The following NCOA3 variants were observed in gnomAD, a reference collection of about 807,000 sequenced individuals.
NCOA3 encodes CBP-interacting protein.
A neutral mutation model predicts 158.8 loss-of-function variants in NCOA3; 51 were observed. That is an observed-to-expected ratio of 0.32 (90% CI 0.26 to 0.41). NCOA3 has a LOEUF of 0.41. Ranked by LOEUF, NCOA3 falls within the 10% of genes least tolerant of loss-of-function variation. The probability of loss-of-function intolerance (pLI) is 1.00; values close to 1 mark genes in which losing one functional copy is unlikely to be tolerated. For synonymous variants in NCOA3, 537 were observed against 592.4 expected (o/e 0.91, Z 1.36); for missense variants, 1,510 against 1,746.6 (o/e 0.86, Z 2.41).
intron 1 of NCOA3, among the ~76,000 whole-genome samples, chr20:47,553,967 T>TGG (rs1168684326): frequency 6.6e-6 from 1 of 152,220 alleles, no homozygotes; most frequent in Admixed American, 6.5e-5. Flanking sequence ...CCCTGAGGAA[T>TGG]CGCCACACCG....
At chr20:47,503,274 C>G (rs2083971659) in intron 1 of NCOA3, among the ~76,000 whole-genome samples, 1 of 152,202 alleles carries the variant, frequency 6.6e-6, no homozygotes, top group Non-Finnish European at 1.5e-5. Context: ...GAATAAAAAT[C>G]TTAGGTCTTC....
At chr20:47,617,503 A>T (rs2086158886) in intron 2 of NCOA3, among the ~76,000 whole-genome samples, 1 of 152,176 alleles carries the variant, frequency 6.6e-6, no homozygotes, top group Admixed American at 6.6e-5. Flanking sequence ...AAAGTGATCT[A>T]GATCTATTGT....
intron 3 of NCOA3, 103 bp downstream of exon 3, chr20:47,622,433 G>C (rs1422976041): frequency 1.3e-6 from 1 of 772,512 alleles, no homozygotes; most frequent in Non-Finnish European, 2.0e-6. Flanking sequence ...AGATTTTTTG[G>C]TGGTTTCACT....
chr20:47,509,658 A>G (rs6012196), intron 1 of NCOA3, among the ~76,000 whole-genome samples: 148,547 of 152,200 alleles, frequency 0.98, 72,590 homozygotes, highest in Middle Eastern at 1. Flanking sequence ...CTGTAATCCC[A>G]GCAATTTGGG....
chr20:47,515,307 C>T (rs369739487), intron 1 of NCOA3, among the ~76,000 whole-genome samples: 25 of 151,768 alleles, frequency 1.6e-4, no homozygotes, highest in Middle Eastern at 3.4e-3. Context: ...GGACTACAGG[C>T]GCGCACCACC....
chr20:47,514,210 AT>A (rs575151562), intron 1 of NCOA3, among the ~76,000 whole-genome samples: 156 of 143,778 alleles, frequency 1.1e-3, no homozygotes, highest in African/African-American at 2.3e-3. Flanking sequence ...ATTTTTTTGA[AT>A]TTTTTTTTTA....
chr20:47,520,565 G>A (rs375873767), intron 1 of NCOA3, among the ~76,000 whole-genome samples: 19 of 152,338 alleles, frequency 1.2e-4, no homozygotes, highest in East Asian at 1.2e-3. Flanking sequence ...AACCAGTGGT[G>A]TCTTGTCTTG....
At chr20:47,514,269 G>C (rs1036506891) in intron 1 of NCOA3, among the ~76,000 whole-genome samples, 1 of 150,992 alleles carries the variant, frequency 6.6e-6, no homozygotes, top group African/African-American at 2.4e-5. Context: ...GGCAGAGATG[G>C]ATTTAGGTCC....
chr20:47,612,812 T>G (rs72645225), intron 2 of NCOA3, among the ~76,000 whole-genome samples: 2,581 of 152,324 alleles, frequency 0.017, 28 homozygotes, highest in Non-Finnish European at 0.03. Flanking sequence ...TTGATTTGGA[T>G]ATGGATGGAA....
At chr20:47,561,996 A>G (rs1375219092) in intron 1 of NCOA3, among the ~76,000 whole-genome samples, 1 of 151,734 alleles carries the variant, frequency 6.6e-6, no homozygotes, top group Non-Finnish European at 1.5e-5. Flanking sequence ...TTGACATGTC[A>G]TATAGTTGGA....
intron 1 of NCOA3, among the ~76,000 whole-genome samples, chr20:47,506,342 AAC>A (rs2084031568): frequency 6.6e-6 from 1 of 152,214 alleles, no homozygotes; most frequent in South Asian, 2.1e-4. Context: ...TCAGCCCCCT[AAC>A]AAATTATGGA....
At chr20:47,570,990 G>GTGTGTGTGTA in intron 1 of NCOA3, among the ~76,000 whole-genome samples, 1 of 141,572 alleles carries the variant, frequency 7.1e-6, no homozygotes, top group East Asian at 2.1e-4. Flanking sequence ...ATATATGTGT[G>GTGTGTGTGTA]TGTGTGTGTG....
chr20:47,525,351 C>T (rs1473088587), intron 1 of NCOA3, among the ~76,000 whole-genome samples: 1 of 148,350 alleles, frequency 6.7e-6, no homozygotes, highest in African/African-American at 2.5e-5. Context: ...ACAGACACGG[C>T]AACCATCCGA....
chr20:47,650,678 A>G (rs1414913295), intron 19 of NCOA3, among the ~76,000 whole-genome samples: 1 of 151,902 alleles, frequency 6.6e-6, no homozygotes, highest in Non-Finnish European at 1.5e-5. Context: ...AGCCTGGCTA[A>G]CATGGTGAAG....
intron 2 of NCOA3, among the ~76,000 whole-genome samples, chr20:47,620,815 A>C (rs913372197): frequency 6.6e-6 from 1 of 152,208 alleles, no homozygotes; most frequent in Non-Finnish European, 1.5e-5. Flanking sequence ...AATATTCTTT[A>C]TAGCATTTTC....
At chr20:47,504,727 C>G (rs1271626513) in intron 1 of NCOA3, among the ~76,000 whole-genome samples, 2 of 151,128 alleles carry the variant, frequency 1.3e-5, no homozygotes, top group African/African-American at 4.9e-5. Flanking sequence ...TGGCTTGAAC[C>G]CGGGAGGCGG....
At position 47,653,569 on chromosome 20, in the gene NCOA3, C is replaced by G. The variant is rs1394225286; in HGVS notation, c.*152C>G. On this transcript the variant is annotated 3_prime_UTR_variant, in exon 23 of 23. Transcript: ENST00000371998. ...GGTATTTTAAGTGATGTCATTTGAG[C>G]AGGACTGGATTTTAAGCCGAAGGGC... 1 of 925,490 alleles carries G rather than the reference C, an allele frequency of 1.1e-6. No individual in the cohort carries two copies. The highest frequency in any genetic ancestry group is 1.7e-6 in the Non-Finnish European group (1 of 593,642). 57.3% of individuals were successfully genotyped at this position (925,490 alleles called of 1,614,324 possible). A position where few individuals can be genotyped will look rare whatever the true frequency, so the allele number is the denominator to read the frequency against.
chr20:47,627,263 C>A, intron 6 of NCOA3, 87 bp downstream of exon 6: 1 of 1,120,154 alleles, frequency 8.9e-7, no homozygotes, highest in Non-Finnish European at 1.3e-6. Flanking sequence ...TTTAGGAAGT[C>A]AAGCGATCAA....
At chr20:47,524,839 C>T (rs1413109431) in intron 1 of NCOA3, among the ~76,000 whole-genome samples, 1 of 152,134 alleles carries the variant, frequency 6.6e-6, no homozygotes. Context: ...GCCTCATTCT[C>T]CTGCTGCAGC....
Sources: gnomAD v4.1 joint callset for allele counts (sites outside exome capture counted in the v4.1 genomes callset) on GRCh38, gnomAD v4.1.1 for gene constraint, MANE v1.5 for transcripts, NCBI Gene and HGNC (gene_info 2026-07-23, HGNC 2026-07-21) for gene names.